The following ALK variants were observed in gnomAD, a reference collection of about 807,000 sequenced individuals.
ALK encodes the protein ALK receptor tyrosine kinase, also known as ALK tyrosine kinase receptor.
A neutral mutation model predicts 163.1 loss-of-function variants in ALK; 74 were observed. The observed-to-expected ratio is 0.45, with a 90% CI of 0.38 to 0.55. The LOEUF is 0.55. Among genes scored for constraint, ALK ranks in the 20% least tolerant of loss-of-function variants. The probability of loss-of-function intolerance (pLI) is 0.00; values close to 1 mark genes in which losing one functional copy is unlikely to be tolerated. For missense variants in ALK, 2,063 were observed against 2,105.3 expected (o/e 0.98, Z 0.39); for synonymous variants, 960 against 843.2 (o/e 1.14, Z -2.40).
chr2:29,699,337 G>T (rs985250849), intron 2 of ALK, among the ~76,000 whole-genome samples: 1 of 152,230 alleles, frequency 6.6e-6, no homozygotes, highest in African/African-American at 2.4e-5. Context: ...AGAAGTGGAC[G>T]GTTTCTTCTT....
intron 2 of ALK, among the ~76,000 whole-genome samples, chr2:29,705,281 A>ATCT (rs1558451329): frequency 7.3e-5 from 2 of 27,216 alleles, no homozygotes; most frequent in African/African-American, 4.3e-4. Context: ...ATATATATAT[A>ATCT]AATATATATC....
intron 6 of ALK, 84 bp from the exon 7 acceptor site, chr2:29,320,966 T>A: frequency 6.5e-7 from 1 of 1,541,114 alleles, no homozygotes; most frequent in Non-Finnish European, 9.0e-7. Flanking sequence ...TAGCCAGGCA[T>A]GACCAAATTA....
intron 5 of ALK, among the ~76,000 whole-genome samples, chr2:29,331,873 C>T (rs981161902): frequency 2.0e-5 from 3 of 152,190 alleles, no homozygotes; most frequent in African/African-American, 7.2e-5. Context: ...AAAGTTCTCA[C>T]ATTTGCTTGG....
chr2:29,634,025 C>T (rs560311884), intron 3 of ALK, among the ~76,000 whole-genome samples: 3 of 152,206 alleles, frequency 2.0e-5, no homozygotes, highest in South Asian at 2.1e-4. Flanking sequence ...AGAAGAGGTA[C>T]AATTTCCATT....
intron 2 of ALK, among the ~76,000 whole-genome samples, chr2:29,714,144 C>T (rs1679183536): frequency 6.6e-6 from 1 of 152,008 alleles, no homozygotes; most frequent in South Asian, 2.1e-4. Flanking sequence ...AGTCTAAGGG[C>T]ATGAGAGCTG....
At chr2:29,531,663 C>T (rs1200016903) in intron 4 of ALK, among the ~76,000 whole-genome samples, 1 of 152,212 alleles carries the variant, frequency 6.6e-6, no homozygotes, top group Non-Finnish European at 1.5e-5. Context: ...TTAACACCCA[C>T]TCATGAAATC....
At chr2:29,469,299 T>C (rs1272944033) in intron 4 of ALK, among the ~76,000 whole-genome samples, 1 of 152,192 alleles carries the variant, frequency 6.6e-6, no homozygotes, top group Non-Finnish European at 1.5e-5. Flanking sequence ...GCCACTATCT[T>C]GTGCCAAATT....
At chr2:29,882,973 G>A (rs1666902856) in intron 1 of ALK, among the ~76,000 whole-genome samples, 3 of 151,892 alleles carry the variant, frequency 2.0e-5, no homozygotes. Context: ...TTTTTCCTTG[G>A]TCATAAACGG....
At chr2:29,369,845 T>C (rs952818038) in intron 5 of ALK, among the ~76,000 whole-genome samples, 7 of 152,174 alleles carry the variant, frequency 4.6e-5, no homozygotes, top group African/African-American at 1.4e-4. Context: ...AATAAATAAA[T>C]GATATGGTTC....
At chr2:29,284,464 A>G (rs1665798680) in intron 9 of ALK, among the ~76,000 whole-genome samples, 1 of 152,224 alleles carries the variant, frequency 6.6e-6, no homozygotes, top group African/African-American at 2.4e-5. Context: ...AGAATTATGA[A>G]AAACATACAC....
At chr2:29,917,517 T>C (rs150234132) in intron 1 of ALK, among the ~76,000 whole-genome samples, 44 of 152,380 alleles carry the variant, frequency 2.9e-4, no homozygotes, top group African/African-American at 1.1e-3. Context: ...ATGATACATG[T>C]TGTCTGAAAC....
chr2:29,376,334 G>A (rs1466198781), intron 5 of ALK, among the ~76,000 whole-genome samples: 1 of 152,074 alleles, frequency 6.6e-6, no homozygotes, highest in Admixed American at 6.5e-5. Flanking sequence ...CAAACTCTTC[G>A]TAAGATTTGC....
rs577064940 is a variant in ALK at position 29,334,993 on chromosome 2, T to A, written c.1283-6512A>T. Reference sequence around the variant, plus strand: ...TCCCAAACAGCATCTTCTCTGTGGTTATAAAATGATTGTTCTGGCCTGCGG... The same window carrying A: ...TCCCAAACAGCATCTTCTCTGTGGTAATAAAATGATTGTTCTGGCCTGCGG... On this transcript the variant is annotated intron_variant, in intron 5 of 28. Transcript: ENST00000389048. Among the ~76,000 whole-genome samples the A allele has an allele frequency of 6.6e-5, 10 of 152,332 alleles. No individual in the cohort carries two copies. The South Asian group carries it at 1.9e-3, about 28-fold the overall frequency.
intron 1 of ALK, among the ~76,000 whole-genome samples, chr2:29,761,292 T>A (rs890708552): frequency 6.6e-6 from 1 of 152,206 alleles, no homozygotes; most frequent in Admixed American, 6.5e-5. Flanking sequence ...TGAAGGCAGA[T>A]AGATGTGGGC....
intron 1 of ALK, among the ~76,000 whole-genome samples, chr2:29,875,419 A>AT (rs965268756): frequency 1.4e-4 from 21 of 152,174 alleles, no homozygotes; most frequent in Admixed American, 9.8e-4. Flanking sequence ...TACCATTACT[A>AT]TTTTTTTACA....
intron 3 of ALK, among the ~76,000 whole-genome samples, chr2:29,597,006 C>A (rs1176931005): frequency 6.6e-6 from 1 of 152,192 alleles, no homozygotes; most frequent in Non-Finnish European, 1.5e-5. Flanking sequence ...GCTGCTGGGT[C>A]TTTAGTTGGT....
Position 29,193,833 on chromosome 2 carries a change from A to G in ALK, c.4254T>C (p.Pro1418=), listed in dbSNP as rs1184848761. 1 of 1,610,902 alleles carries G rather than the reference A, an allele frequency of 6.2e-7. No homozygotes were observed. The highest frequency in any genetic ancestry group is 8.5e-7 in the Non-Finnish European group (1 of 1,178,802). Residue 1418 remains proline (P), a synonymous_variant, in exon 29 of 29, where the codon CCT becomes CCC. Transcript: ENST00000389048. ...EEKVPVRPKD[P]EGVPPLLVSQ... ...AGACCAGGAGAGGAGGAACCCCCTCAGGGTCCTTGGGCCTCACAGGCACTT... is the reference window on the plus strand; with the variant it reads ...AGACCAGGAGAGGAGGAACCCCCTCGGGGTCCTTGGGCCTCACAGGCACTT...
intron 3 of ALK, among the ~76,000 whole-genome samples, chr2:29,545,110 C>G (rs1367546040): frequency 6.6e-6 from 1 of 152,210 alleles, no homozygotes; most frequent in Non-Finnish European, 1.5e-5. Flanking sequence ...ACTCTCACCA[C>G]TCTGTGGATC....
At chr2:29,722,310 C>T (rs1190044968) in intron 1 of ALK, among the ~76,000 whole-genome samples, 2 of 152,204 alleles carry the variant, frequency 1.3e-5, no homozygotes, top group African/African-American at 4.8e-5. Flanking sequence ...CCAGACCCTT[C>T]CTGTACCTAA....
Sources: allele counts gnomAD v4.1 joint callset (sites outside exome capture counted in the v4.1 genomes callset), GRCh38; gene constraint gnomAD v4.1.1; transcripts MANE v1.5; gene names NCBI Gene and HGNC (gene_info 2026-07-23, HGNC 2026-07-21).